The following RBL1 variants were observed in gnomAD, a reference collection of about 807,000 sequenced individuals.
The protein encoded by RBL1 is RB transcriptional corepressor like 1, also known as retinoblastoma-like protein 1.
A neutral mutation model predicts 123.0 loss-of-function variants in RBL1; 82 were observed. The observed-to-expected ratio is 0.67, with a 90% confidence interval of 0.56 to 0.80. The LOEUF is 0.80. Among genes scored for constraint, RBL1 ranks in the 30% least tolerant of loss-of-function variants. RBL1 has a pLI of 0.00. For missense variants in RBL1, 1,171 were observed against 1,299.6 expected (o/e 0.90, Z 1.52); for synonymous variants, 405 against 441.3 (o/e 0.92, Z 1.03).
chr20:37,032,596 T>C, intron 16 of RBL1, 69 bp downstream of exon 16: 4 of 1,572,242 alleles, frequency 2.5e-6, no homozygotes, highest in South Asian at 2.4e-5. Context: ...GACCAAAGTC[T>C]GTCTCTGTTA....
Position 37,061,276 on chromosome 20 carries a change from G to A in RBL1, c.1084-7C>T. The A allele has an allele frequency of 6.2e-7, 1 of 1,604,160 alleles. No homozygotes were observed. Among genetic ancestry groups the A allele is most frequent in the Non-Finnish European group, 8.5e-7 (1 of 1,174,548 alleles). On this transcript the variant is annotated splice_polypyrimidine_tract_variant and splice_region_variant and intron_variant, in intron 8 of 21. Transcript: ENST00000373664. ...AAGGTGCAAATGACCTTTTCTGTCAGAAAAGAAAAATCCGTGAGTTTTTAA... is the reference window on the plus strand; with the variant it reads ...AAGGTGCAAATGACCTTTTCTGTCAAAAAAGAAAAATCCGTGAGTTTTTAA...
intron 13 of RBL1, 30 bp from the exon 14 acceptor site, chr20:37,040,315 A>T: frequency 6.2e-7 from 1 of 1,603,124 alleles, no homozygotes; most frequent in Non-Finnish European, 8.5e-7. Context: ...TTTGATTTAC[A>T]TATAGATAAA....
At chr20:37,012,327 C>T (rs2064165733) in intron 19 of RBL1, among the ~76,000 whole-genome samples, 1 of 150,186 alleles carries the variant, frequency 6.7e-6, no homozygotes, top group Admixed American at 6.6e-5. Flanking sequence ...GGCCGCCCAT[C>T]GTCTGGGATG....
Position 37,022,810 on chromosome 20 carries a change from C to T in RBL1, c.2399G>A (p.Ser800Asn), listed in dbSNP as rs1263813464. 6.2e-7 allele frequency: 1 copy of T among 1,609,944 alleles called. No homozygotes were observed. The highest frequency in any genetic ancestry group is 1.1e-5 in the South Asian group (1 of 90,786). The change falls in exon 17 of 22, where the codon AGT becomes AAT. Residue 800 changes from serine to asparagine, a missense_variant. Coordinates refer to ENST00000373664, the MANE Select transcript of RBL1 (RefSeq NM_002895.5). ...TAGACATAGATCACGTAAGCGTACACTTGCCAAATGATAGACCTAAAATAG... is the reference window on the plus strand; with the variant it reads ...TAGACATAGATCACGTAAGCGTACATTTGCCAAATGATAGACCTAAAATAG... ...LFYRKVYHLA[S>N]VRLRDLCLKL... is the part of the protein sequence containing the mutation.
chr20:36,998,030 C>T lies in RBL1; in HGVS notation c.*729G>A, dbSNP rs2146187058. ...CCCTCTGGCCAGGTACTATGGGAAC[C>T]AACCCCTTCCTTCAATATTAAATTA... On this transcript the variant is annotated 3_prime_UTR_variant, in exon 22 of 22. Transcript: ENST00000373664. The T allele has an allele frequency of 6.6e-6, 1 of 152,196 alleles. No individual in the cohort carries two copies. The highest frequency in any genetic ancestry group is 2.4e-5 in the African/African-American group (1 of 41,532). The allele number at this position is 152,196 out of a possible 1,614,324, so 9.4% of individuals were successfully genotyped here. A position where few individuals can be genotyped will look rare whatever the true frequency, so the allele number is the denominator to read the frequency against.
At chr20:37,004,898 C>A (rs2146200602) in intron 20 of RBL1, among the ~76,000 whole-genome samples, 1 of 151,538 alleles carries the variant, frequency 6.6e-6, no homozygotes, top group East Asian at 2.0e-4. Context: ...TAAAAATTAG[C>A]CAGGTGTGGT....
intron 2 of RBL1, chr20:37,081,745 A>G: frequency 3.4e-6 from 1 of 290,668 alleles, no homozygotes; most frequent in South Asian, 3.0e-5. Context: ...ATCAAAGCCT[A>G]GGTAAAATAA....
At chr20:37,058,181 C>T (rs965929591) in intron 9 of RBL1, among the ~76,000 whole-genome samples, 1 of 148,676 alleles carries the variant, frequency 6.7e-6, no homozygotes, top group African/African-American at 2.5e-5. Flanking sequence ...TATTCCTAGT[C>T]AGGGACGTCT....
chr20:37,080,401 C>T (rs1173889727), intron 2 of RBL1, among the ~76,000 whole-genome samples: 1 of 151,334 alleles, frequency 6.6e-6, no homozygotes, highest in Non-Finnish European at 1.5e-5. Context: ...AAGTGATCTG[C>T]CCATCTTGGC....
chr20:37,005,877 CTTTTTTTTTTTTCTTTCT>C (rs1568814252), intron 20 of RBL1, among the ~76,000 whole-genome samples: 6 of 106,316 alleles, frequency 5.6e-5, no homozygotes, highest in African/African-American at 2.2e-4. Context: ...GCCTTCTTTT[CTTTTTTTTTTTTCTTTCT>C]TTTTTTTTTT....
intron 20 of RBL1, among the ~76,000 whole-genome samples, chr20:37,004,070 C>CTT (rs769240103): frequency 7.3e-6 from 1 of 136,468 alleles, no homozygotes; most frequent in Non-Finnish European, 1.6e-5. Context: ...TTTCCTGAAT[C>CTT]TTTTTTTTTT....
chr20:37,025,725 A>G (rs1450532216), intron 16 of RBL1, among the ~76,000 whole-genome samples: 1 of 151,164 alleles, frequency 6.6e-6, no homozygotes, highest in East Asian at 1.9e-4. Context: ...AAATGGCCAA[A>G]AAAACCTTGA....
intron 16 of RBL1, among the ~76,000 whole-genome samples, chr20:37,024,635 T>C (rs1355034021): frequency 2.0e-5 from 3 of 152,224 alleles, no homozygotes; most frequent in Admixed American, 6.5e-5. Context: ...GTTCCTTTTA[T>C]ATTTTCTAGC....
intron 13 of RBL1, among the ~76,000 whole-genome samples, chr20:37,042,386 T>C (rs1275463086): frequency 6.6e-6 from 1 of 152,018 alleles, no homozygotes; most frequent in South Asian, 2.1e-4. Context: ...AGGCAGATAA[T>C]AACAAGCATT....
chr20:37,014,421 T>G (rs1308112125), intron 19 of RBL1, among the ~76,000 whole-genome samples: 1 of 152,142 alleles, frequency 6.6e-6, no homozygotes, highest in Non-Finnish European at 1.5e-5. Flanking sequence ...CACTGGATAT[T>G]CTCCCTGCCC....
Position 37,018,351 on chromosome 20 carries a change from G to T in RBL1, c.2650C>A (p.Leu884Met). ...ACAACTTCTCTTGGAATACTTTTCA[G>T]CAGAACACTTCTATATACCTACATG... ...ANSHVYRSVL[L>M]KSIPREVVAY... Residue 884 changes from leucine (L) to methionine (M), a missense_variant, in exon 19 of 22, where the codon CTG (leucine) becomes ATG (methionine). Physicochemically the swap from Leu to Met is conservative, Grantham distance 15 (BLOSUM62 2). Coordinates refer to ENST00000373664, the MANE Select transcript of RBL1 (RefSeq NM_002895.5). 2.5e-6 allele frequency: 4 copies of T among 1,611,570 alleles called. No individual in the cohort carries two copies. Among genetic ancestry groups the T allele is most frequent in the Non-Finnish European group, 3.4e-6 (4 of 1,179,102 alleles).
At chr20:37,030,430 T>C (rs988880897) in intron 16 of RBL1, among the ~76,000 whole-genome samples, 3 of 152,108 alleles carry the variant, frequency 2.0e-5, no homozygotes, top group Non-Finnish European at 2.9e-5. Flanking sequence ...TATACAAAAA[T>C]TAAAATGGGC....
chr20:37,011,310 C>G (rs1255104363), intron 19 of RBL1, among the ~76,000 whole-genome samples: 2 of 152,130 alleles, frequency 1.3e-5, no homozygotes, highest in African/African-American at 4.8e-5. Context: ...TTGAAGAATT[C>G]ACAGCCCATG....
At position 36,998,733 on chromosome 20, in the gene RBL1, CT is replaced by C; in HGVS notation, c.*25del. The stretch of plus-strand genomic sequence containing the variant: ...CTTTCTGCAGAACAATCTGAAAGTG[CT>C]TTTATCATAGAAACAAGAACAACAT... On this transcript the variant is annotated 3_prime_UTR_variant, in exon 22 of 22. Transcript: ENST00000373664. The C allele has an allele frequency of 4.4e-6, 7 of 1,584,566 alleles. No individual in the cohort carries two copies. Among genetic ancestry groups the C allele is most frequent in the Non-Finnish European group, 6.0e-6 (7 of 1,160,286 alleles).
Sources: allele counts gnomAD v4.1 joint callset (sites outside exome capture counted in the v4.1 genomes callset), GRCh38; gene constraint gnomAD v4.1.1; transcripts MANE v1.5; gene names NCBI Gene and HGNC (gene_info 2026-07-23, HGNC 2026-07-21).